Variants in KCTD7 observed in about 807,000 individuals in gnomAD.
KCTD7 encodes potassium channel tetramerization domain containing 7.
A neutral mutation model predicts 27.0 loss-of-function variants in KCTD7; 15 were observed. The ratio of observed to expected loss-of-function variants is 0.56; its 90% CI spans 0.37 to 0.86. KCTD7 has a LOEUF of 0.86. Ranked by LOEUF, KCTD7 falls within the 40% of genes least tolerant of loss-of-function variation. The probability of loss-of-function intolerance (pLI) is 0.00; values close to 1 mark genes in which losing one functional copy is unlikely to be tolerated. For missense variants in KCTD7, 299 were observed against 398.9 expected (o/e 0.75, Z 2.13); for synonymous variants, 159 against 162.7 (o/e 0.98, Z 0.17).
rs1442480411 is a variant in KCTD7, at chr7:66,642,920, C to G, written c.*3688C>G. 2.0e-6 allele frequency: 2 copies of G among 985,286 alleles called. No homozygotes were observed. The highest frequency in any genetic ancestry group is 3.5e-5 in the African/African-American group (2 of 57,190). The allele number at this position is 985,286 out of a possible 1,614,324, so 61.0% of individuals were successfully genotyped here. On this transcript the variant is annotated 3_prime_UTR_variant, in exon 4 of 4. Transcript: ENST00000639828. Reference sequence around the variant, plus strand: ...GAGGTCACCTGGGTCCGTCGTCTTCCTTCTGTATGGTGTTGGGTTTATGTA... The same window carrying G: ...GAGGTCACCTGGGTCCGTCGTCTTCGTTCTGTATGGTGTTGGGTTTATGTA...
At chr7:66,631,522 T>C (rs1786441327) in intron 1 of KCTD7, among the ~76,000 whole-genome samples, 1 of 149,396 alleles carries the variant, frequency 6.7e-6, no homozygotes. Flanking sequence ...TGAACCGAGA[T>C]CGTGCCATTG....
At chr7:66,638,759 C>A in intron 3 of KCTD7, 97 bp from the exon 4 acceptor site, 1 of 1,470,302 alleles carries the variant, frequency 6.8e-7, no homozygotes, top group Non-Finnish European at 9.4e-7. Context: ...CTTTCCCCTC[C>A]TGCATCCTGC....
At chr7:66,638,063 AAC>A (rs1786627367) in intron 2 of KCTD7, among the ~76,000 whole-genome samples, 188 bp from the exon 3 acceptor site, 1 of 152,336 alleles carries the variant, frequency 6.6e-6, no homozygotes, top group African/African-American at 2.4e-5. Context: ...TTAATTCCCT[AAC>A]ACATTATGAG....
rs886645555 is a variant in KCTD7 at position 66,638,445 on chromosome 7, G to C, written c.493+14G>C. ...CCTATTACAAAGGTGAGGGTCAGCT[G>C]CCCAGGATGGTGGGTATGTGGGAGG... On this transcript the variant is annotated intron_variant, in intron 3 of 3. Coordinates refer to ENST00000639828, the MANE Select transcript of KCTD7 (RefSeq NM_153033.5). 15 of 1,603,758 alleles carry C rather than the reference G, an allele frequency of 9.4e-6. No individual in the cohort carries two copies. The highest frequency in any genetic ancestry group is 1.4e-5 in the African/African-American group (1 of 74,068).
In KCTD7 at chr7:66,629,125, T is replaced by G. The variant is rs753471689; in HGVS notation, c.61T>G (p.Ser21Ala). ...TCGTCAGGACGGTGCCATGTCCAGC[T>G]CTGACGCCGAAGACGACTTTCTGGA... ...SRRQDGAMSS[S>A]DAEDDFLEPA... The change falls in exon 1 of 4, where the codon TCT becomes GCT. Residue 21 changes from serine to alanine, a missense_variant. Physicochemically the swap from Ser to Ala is moderately conservative, Grantham distance 99 (BLOSUM62 1). Coordinates refer to ENST00000639828, the MANE Select transcript of KCTD7 (RefSeq NM_153033.5). 22 of 1,537,864 alleles carry G rather than the reference T, an allele frequency of 1.4e-5. No homozygotes were observed. Among genetic ancestry groups the G allele is most frequent in the Non-Finnish European group, 1.8e-5 (21 of 1,144,526 alleles).
intron 3 of KCTD7, 113 bp from the exon 4 acceptor site, chr7:66,638,743 A>G: frequency 4.4e-6 from 6 of 1,353,584 alleles, no homozygotes; most frequent in East Asian, 4.8e-5. Flanking sequence ...TCCCCGGGAA[A>G]TCTGTCTTTC....
Position 66,640,675 on chromosome 7 carries a change from G to A in KCTD7, c.*1443G>A, listed in dbSNP as rs1786694863. 1.3e-5 allele frequency: 17 copies of A among 1,299,148 alleles called. No individual in the cohort carries two copies. The highest frequency in any genetic ancestry group is 3.3e-5 in the East Asian group (1 of 29,896). 80.5% of individuals were successfully genotyped at this position (1,299,148 alleles called of 1,614,324 possible). A position where few individuals can be genotyped will look rare whatever the true frequency, so the allele number is the denominator to read the frequency against. On this transcript the variant is annotated 3_prime_UTR_variant, in exon 4 of 4. Coordinates refer to ENST00000639828, the MANE Select transcript of KCTD7 (RefSeq NM_153033.5). Reference sequence around the variant, plus strand: ...TGTAGTCCCAGCTACTTGGGCACACGCCTGTAGTCCAGGCCACTCGAGCAC... The same window carrying A: ...TGTAGTCCCAGCTACTTGGGCACACACCTGTAGTCCAGGCCACTCGAGCAC...
chr7:66,635,988 G>T (rs1399156024), intron 2 of KCTD7, among the ~76,000 whole-genome samples: 31 of 152,148 alleles, frequency 2.0e-4, no homozygotes, highest in African/African-American at 7.5e-4. Flanking sequence ...CCATGCTCAG[G>T]TGGCCACAGC....
Position 66,641,170 on chromosome 7 carries a change from A to G in KCTD7, c.*1938A>G, listed in dbSNP as rs1786706359. ...CTCTATTGTTCTCGTACACAAAGGG[A>G]TAGTCTCTTTTCTGGAGCTGATGTC... On this transcript the variant is annotated 3_prime_UTR_variant, in exon 4 of 4. Transcript: ENST00000639828. The G allele has an allele frequency of 2.0e-6, 2 of 985,354 alleles. No homozygotes were observed. The highest frequency in any genetic ancestry group is 2.4e-6 in the Non-Finnish European group (2 of 829,918). The allele number at this position is 985,354 out of a possible 1,614,324, so 61.0% of individuals were successfully genotyped here. A position where few individuals can be genotyped will look rare whatever the true frequency, so the allele number is the denominator to read the frequency against.
intron 1 of KCTD7, among the ~76,000 whole-genome samples, chr7:66,629,936 T>C (rs1786409909): frequency 6.6e-6 from 1 of 152,142 alleles, no homozygotes; most frequent in Admixed American, 6.5e-5. Flanking sequence ...TTACTTAATG[T>C]GTGTGATACT....
At position 66,640,955 on chromosome 7, in the gene KCTD7, C is replaced by T. The variant is rs1390464229; in HGVS notation, c.*1723C>T. ...CTGTGTTCATATGAGGAAGAGAAGA[C>T]CAAGCCCTGGGACTTTGGCTGAATT... On this transcript the variant is annotated 3_prime_UTR_variant, in exon 4 of 4. Coordinates refer to ENST00000639828, the MANE Select transcript of KCTD7 (RefSeq NM_153033.5). 2 of 985,374 alleles carry T rather than the reference C, an allele frequency of 2.0e-6. No homozygotes were observed. Among genetic ancestry groups the T allele is most frequent in the African/African-American group, 3.5e-5 (2 of 57,230 alleles). 61.0% of individuals were successfully genotyped at this position (985,374 alleles called of 1,614,324 possible). A position where few individuals can be genotyped will look rare whatever the true frequency, so the allele number is the denominator to read the frequency against.
chr7:66,640,769 G>A lies in KCTD7; in HGVS notation c.*1537G>A. On this transcript the variant is annotated 3_prime_UTR_variant, in exon 4 of 4. Transcript: ENST00000639828. ...CACTTGAGCCCAGGAGATTAAGACT[G>A]TAGTATACTATGATCGTGCCTGTGG... 1 of 1,027,936 alleles carries A rather than the reference G, an allele frequency of 9.7e-7. No individual in the cohort carries two copies. Among genetic ancestry groups the A allele is most frequent in the Non-Finnish European group, 1.2e-6 (1 of 852,774 alleles). The allele number at this position is 1,027,936 out of a possible 1,614,324, so 63.7% of individuals were successfully genotyped here.
chr7:66,641,091 A>C lies in KCTD7; in HGVS notation c.*1859A>C. On this transcript the variant is annotated 3_prime_UTR_variant, in exon 4 of 4. Transcript: ENST00000639828. ...TCTTTTAGAGGTGGAAAAGAGGTGGATACTGAGATCTAAGAGGAAAGGATA... is the reference window on the plus strand; with the variant it reads ...TCTTTTAGAGGTGGAAAAGAGGTGGCTACTGAGATCTAAGAGGAAAGGATA... The C allele has an allele frequency of 1.0e-6, 1 of 985,382 alleles. No homozygotes were observed. Among genetic ancestry groups the C allele is most frequent in the Non-Finnish European group, 1.2e-6 (1 of 829,922 alleles). The allele number at this position is 985,382 out of a possible 1,614,324, so 61.0% of individuals were successfully genotyped here. A position where few individuals can be genotyped will look rare whatever the true frequency, so the allele number is the denominator to read the frequency against.
chr7:66,629,464 G>A (rs1466321414), intron 1 of KCTD7, among the ~76,000 whole-genome samples: 2 of 147,562 alleles, frequency 1.4e-5, no homozygotes, highest in Non-Finnish European at 3.0e-5. Context: ...TCACTGGGGT[G>A]ATTTACTCCC....
intron 1 of KCTD7, 122 bp from the exon 2 acceptor site, chr7:66,633,153 C>T (rs1387555253): frequency 1.5e-5 from 14 of 940,166 alleles, no homozygotes; most frequent in Non-Finnish European, 2.2e-5. Flanking sequence ...TCAGATGGAC[C>T]CGTGGGCTTG....
rs368863016 is a variant in KCTD7, at chr7:66,641,367, A to G, written c.*2135A>G. 7.1e-6 allele frequency: 7 copies of G among 985,218 alleles called. No individual in the cohort carries two copies. Among genetic ancestry groups the G allele is most frequent in the East Asian group, 1.1e-4 (1 of 8,822 alleles). The allele number at this position is 985,218 out of a possible 1,614,324, so 61.0% of individuals were successfully genotyped here. A position where few individuals can be genotyped will look rare whatever the true frequency, so the allele number is the denominator to read the frequency against. On this transcript the variant is annotated 3_prime_UTR_variant, in exon 4 of 4. Coordinates refer to ENST00000639828, the MANE Select transcript of KCTD7 (RefSeq NM_153033.5). The stretch of plus-strand genomic sequence containing the variant: ...GAACAGAGAGCAGTTCATTAAGCCC[A>G]TTGCTTTCAGTAATGTGGCCTTGAC...
In KCTD7 at chr7:66,642,975, T is replaced by G. The variant is rs1196485742; in HGVS notation, c.*3743T>G. ...CTATAACACTTCCTGTGTGAGTTCA[T>G]GTACCTGTCTGTGAGTGCTTTGGTG... On this transcript the variant is annotated 3_prime_UTR_variant, in exon 4 of 4. Transcript: ENST00000639828. 4 of 985,304 alleles carry G rather than the reference T, an allele frequency of 4.1e-6. No homozygotes were observed. Among genetic ancestry groups the G allele is most frequent in the Non-Finnish European group, 4.8e-6 (4 of 829,948 alleles). The allele number at this position is 985,304 out of a possible 1,614,324, so 61.0% of individuals were successfully genotyped here.
In KCTD7 at chr7:66,640,575, T is replaced by G; in HGVS notation, c.*1343T>G. 7.0e-7 allele frequency: 1 copy of G among 1,419,496 alleles called. No individual in the cohort carries two copies. 87.9% of individuals were successfully genotyped at this position (1,419,496 alleles called of 1,614,324 possible). On this transcript the variant is annotated 3_prime_UTR_variant, in exon 4 of 4. Transcript: ENST00000639828. ...GGGTGTCTCTCTCTAATCATGATTG[T>G]ACCTGTCTCTTCCTGGGTAAAGGGA... is the stretch of plus-strand genomic sequence containing the variant.
At position 66,640,308 on chromosome 7, in the gene KCTD7, C is replaced by A; in HGVS notation, c.*1076C>A. ...CTTCCCTTTTGTTTTACTCCTCACT[C>A]CTCTATTTTTGTTTTACTCACTTCT... On this transcript the variant is annotated 3_prime_UTR_variant, in exon 4 of 4. Coordinates refer to ENST00000639828, the MANE Select transcript of KCTD7 (RefSeq NM_153033.5). 1 of 1,533,248 alleles carries A rather than the reference C, an allele frequency of 6.5e-7. No homozygotes were observed. The highest frequency in any genetic ancestry group is 1.2e-5 in the South Asian group (1 of 83,466). 95.0% of individuals were successfully genotyped at this position (1,533,248 alleles called of 1,614,324 possible).
Sources: allele counts gnomAD v4.1 joint callset (sites outside exome capture counted in the v4.1 genomes callset), GRCh38; gene constraint gnomAD v4.1.1; transcripts MANE v1.5; gene names NCBI Gene and HGNC (gene_info 2026-07-23, HGNC 2026-07-21).